GMPS: variants seen among roughly 807,000 people sequenced by gnomAD.
GMPS encodes the protein GMP synthase [glutamine-hydrolyzing].
Under a neutral mutation model 77.9 loss-of-function variants are expected in GMPS, and 15 were observed. The observed-to-expected ratio is 0.19, with a 90% CI of 0.13 to 0.30. GMPS has a LOEUF of 0.30. GMPS is among the 10% of genes least tolerant of loss of function. The pLI is 1.00. For synonymous variants in GMPS, 224 were observed against 275.9 expected (o/e 0.81, Z 1.86); for missense variants, 590 against 838.8 (o/e 0.70, Z 3.66).
At chr3:155,891,145 C>T (rs145737253) in intron 1 of GMPS, among the ~76,000 whole-genome samples, 218 of 152,276 alleles carry the variant, frequency 1.4e-3, no homozygotes, top group African/African-American at 4.9e-3. Flanking sequence ...TGTATGATAA[C>T]TGAAATTTGA....
At chr3:155,875,203 C>A (rs1754013933) in intron 1 of GMPS, among the ~76,000 whole-genome samples, 1 of 151,464 alleles carries the variant, frequency 6.6e-6, no homozygotes, top group Non-Finnish European at 1.5e-5. Context: ...CAAGTGTGAA[C>A]CACTGTGCCT....
intron 8 of GMPS, 34 bp downstream of exon 8, chr3:155,914,604 A>G (rs769004125): frequency 4.4e-6 from 6 of 1,352,220 alleles, no homozygotes; most frequent in East Asian, 4.9e-5. Flanking sequence ...AACATGTACT[A>G]TTTTTGATGT....
At chr3:155,912,727 C>T (rs1409110074) in intron 7 of GMPS, among the ~76,000 whole-genome samples, 1 of 152,074 alleles carries the variant, frequency 6.6e-6, no homozygotes, top group East Asian at 1.9e-4. Flanking sequence ...TTGGATCTGT[C>T]CCTGGTAACT....
At chr3:155,910,627 G>T in intron 5 of GMPS, 65 bp from the exon 6 acceptor site, 18 of 646,522 alleles carry the variant, frequency 2.8e-5, no homozygotes, top group Non-Finnish European at 3.3e-5. Context: ...GAAATTAATT[G>T]TGGTTATTGC....
chr3:155,900,368 GCTT>G (rs1484088422), intron 3 of GMPS, among the ~76,000 whole-genome samples: 1 of 149,618 alleles, frequency 6.7e-6, no homozygotes, highest in East Asian at 1.9e-4. Context: ...ATATTGGCTG[GCTT>G]CTTTTTTTTT....
At chr3:155,927,889 T>C (rs1755496589) in intron 12 of GMPS, among the ~76,000 whole-genome samples, 1 of 152,174 alleles carries the variant, frequency 6.6e-6, no homozygotes, top group African/African-American at 2.4e-5. Flanking sequence ...ATTCTATGCA[T>C]ACCATCATTT....
intron 1 of GMPS, among the ~76,000 whole-genome samples, chr3:155,884,739 TA>T (rs1248888269): frequency 2.6e-5 from 4 of 152,350 alleles, no homozygotes; most frequent in Non-Finnish European, 5.9e-5. Context: ...GTATTCAGTT[TA>T]CCTGAGAAGA....
intron 1 of GMPS, among the ~76,000 whole-genome samples, chr3:155,881,164 GTTTTTTTT>G (rs11334499): frequency 5.7e-5 from 3 of 52,944 alleles, no homozygotes; most frequent in South Asian, 7.5e-4. Context: ...TTTGATATTA[GTTTTTTTT>G]TTTTTTTTTT....
At chr3:155,928,019 C>CTTTTTTTTTTTTTTTT (rs35962523) in intron 12 of GMPS, among the ~76,000 whole-genome samples, 2 of 67,840 alleles carry the variant, frequency 2.9e-5, no homozygotes, top group African/African-American at 6.4e-5. Flanking sequence ...GCATTTTACA[C>CTTTTTTTTTTTTTTTT]TTTTTTTTTT....
intron 12 of GMPS, among the ~76,000 whole-genome samples, chr3:155,927,278 C>T (rs374960426): frequency 2.6e-5 from 4 of 152,008 alleles, no homozygotes; most frequent in African/African-American, 4.8e-5. Flanking sequence ...GGCAGTATTA[C>T]CCTAATATAT....
At chr3:155,870,999 C>T (rs1446160502) in intron 1 of GMPS, 102 bp downstream of exon 1, 4 of 1,121,272 alleles carry the variant, frequency 3.6e-6, no homozygotes, top group South Asian at 4.0e-5. Context: ...TCCCCCAGCC[C>T]GTCCGCGCAG....
At chr3:155,927,133 T>C (rs968770733) in intron 12 of GMPS, among the ~76,000 whole-genome samples, 1 of 152,238 alleles carries the variant, frequency 6.6e-6, no homozygotes, top group African/African-American at 2.4e-5. Context: ...AGGCCAAATG[T>C]TGTAAGCTGC....
At chr3:155,872,383 G>A (rs1166960783) in intron 1 of GMPS, among the ~76,000 whole-genome samples, 1 of 152,150 alleles carries the variant, frequency 6.6e-6, no homozygotes, top group Non-Finnish European at 1.5e-5. Context: ...AAACCCCATT[G>A]TCCAGCTCTT....
At chr3:155,882,049 CAG>C (rs1158224731) in intron 1 of GMPS, among the ~76,000 whole-genome samples, 1 of 152,016 alleles carries the variant, frequency 6.6e-6, no homozygotes, top group Non-Finnish European at 1.5e-5. Context: ...ACCTGGGTGA[CAG>C]AGTGAGACCC....
intron 13 of GMPS, among the ~76,000 whole-genome samples, chr3:155,933,668 GA>G (rs1056742756): frequency 2.0e-4 from 31 of 152,246 alleles, no homozygotes; most frequent in Admixed American, 1.8e-3. Context: ...AAGAAAAGAA[GA>G]AAAAACATTA....
At chr3:155,931,286 A>G (rs1453332308) in intron 12 of GMPS, among the ~76,000 whole-genome samples, 1 of 151,618 alleles carries the variant, frequency 6.6e-6, no homozygotes, top group African/African-American at 2.4e-5. Context: ...CCCAGGATCA[A>G]GCAGTTCTCC....
In GMPS at chr3:155,893,557, C is replaced by T. The variant is rs1200816212; in HGVS notation, c.67C>T (p.His23Tyr). ...AGGDLKDGHH[H>Y]YEGAVVILDA... ...AGGAGACCTTAAGGATGGCCACCAC[C>T]ACTATGAAGGAGCTGTTGTCATTCT... Residue 23 changes from histidine (H) to tyrosine (Y), a missense_variant, in exon 2 of 16, where the codon CAC becomes TAC. Physicochemically the swap from His to Tyr is moderately conservative, Grantham distance 83 (BLOSUM62 2). Around this residue, in one of 6 missense-constraint regions of GMPS, gnomAD observed 47 missense variants for 45.5 expected, o/e 1.03. Coordinates refer to ENST00000496455, the MANE Select transcript of GMPS (RefSeq NM_003875.3). 1.2e-6 allele frequency: 2 copies of T among 1,612,290 alleles called. No homozygotes were observed. The highest frequency in any genetic ancestry group is 1.3e-5 in the African/African-American group (1 of 74,844).
At chr3:155,883,643 A>C (rs1754261588) in intron 1 of GMPS, among the ~76,000 whole-genome samples, 1 of 152,162 alleles carries the variant, frequency 6.6e-6, no homozygotes, top group Non-Finnish European at 1.5e-5. Context: ...GCTTCTTTGC[A>C]AGATGCCTTT....
rs199978101 is a variant in GMPS, at chr3:155,897,994, A to G, written c.277A>G (p.Ile93Val). ...AGATGCTCCCTGGTTTGATCCAGCA[A>G]TATTCACTATTGGCAAGCCTGTTCT... Reference protein sequence around the residue: ...AEDAPWFDPAIFTIGKPVLGI... With the variant: ...AEDAPWFDPAVFTIGKPVLGI... Residue 93 changes from isoleucine to valine, a missense_variant, in exon 3 of 16, where the codon ATA becomes GTA. This residue lies in a region of GMPS where 136 missense variants were observed against 225.6 expected (regional missense o/e 0.60). Transcript: ENST00000496455. 37 of 1,611,468 alleles carry G rather than the reference A, an allele frequency of 2.3e-5. No individual in the cohort carries two copies. The East Asian group carries it at 4.5e-4, about 19-fold the overall frequency.
Sources: allele counts gnomAD v4.1 joint callset (sites outside exome capture counted in the v4.1 genomes callset), GRCh38; gene constraint gnomAD v4.1.1; regional missense constraint gnomAD v4.1.1; transcripts MANE v1.5; gene names NCBI Gene and HGNC (gene_info 2026-07-23, HGNC 2026-07-21).